The following SNX29 variants were observed in gnomAD, a reference collection of about 807,000 sequenced individuals.
The protein encoded by SNX29 is sorting nexin 29, also known as sorting nexin-29.
A neutral mutation model predicts 102.1 loss-of-function variants in SNX29; 78 were observed. That is an observed-to-expected ratio of 0.76 (90% confidence interval 0.64 to 0.92). SNX29 has a LOEUF of 0.92. SNX29 is among the 40% of genes least tolerant of loss of function. SNX29 has a pLI of 0.00. For synonymous variants in SNX29, 580 were observed against 414.5 expected, an observed-to-expected ratio of 1.40 and a Z score of -4.85; for missense variants, 1,280 against 1,061.7, an observed-to-expected ratio of 1.21 and a Z score of -2.86.
intron 11 of SNX29, among the ~76,000 whole-genome samples, chr16:12,119,633 C>T (rs1406952146): frequency 6.6e-6 from 1 of 152,216 alleles, no homozygotes; most frequent in East Asian, 1.9e-4. Context: ...GGAGAACTGC[C>T]AGAGGCCACA....
intron 14 of SNX29, among the ~76,000 whole-genome samples, chr16:12,258,073 C>T (rs1015102934): frequency 6.6e-6 from 1 of 151,964 alleles, no homozygotes; most frequent in African/African-American, 2.4e-5. Context: ...CATCCTGGCT[C>T]CTGTGCAGTC....
rs745596988 is a variant in SNX29 at position 12,096,423 on chromosome 16, C to T, written c.1402+17508C>T. ...GCTTGGCCATGCACAAGCTCTGTGT[C>T]ACATGTTAAAATTTCCCCATCATTA... On this transcript the variant is annotated intron_variant, in intron 11 of 20. Coordinates refer to ENST00000566228, the MANE Select transcript of SNX29 (RefSeq NM_032167.5). The surrounding 1 kb of genome is among the most constrained non-coding windows in gnomAD (Gnocchi z 4.2). 1.1e-4 allele frequency among the ~76,000 whole-genome samples: 17 copies of T among 152,196 alleles called. No individual in the cohort carries two copies. The highest frequency in any genetic ancestry group is 2.4e-4 in the Non-Finnish European group (16 of 68,044).
chr16:12,159,751 A>G (rs73519886), intron 13 of SNX29, among the ~76,000 whole-genome samples: 3,021 of 152,332 alleles, frequency 0.02, 101 homozygotes, highest in African/African-American at 0.068. Flanking sequence ...AATCCCCAGT[A>G]GGACTGGGAG....
intron 19 of SNX29, among the ~76,000 whole-genome samples, chr16:12,522,707 A>G (rs1326418133): frequency 6.6e-6 from 1 of 152,122 alleles, no homozygotes; most frequent in Non-Finnish European, 1.5e-5. Flanking sequence ...ATTGTAAGTT[A>G]CTGAGGCATC....
chr16:12,414,348 T>C (rs1444419438), intron 18 of SNX29, among the ~76,000 whole-genome samples: 2 of 152,186 alleles, frequency 1.3e-5, no homozygotes, highest in East Asian at 3.8e-4. Context: ...CACTCCAGCC[T>C]GGGTGACAGC....
intron 15 of SNX29, among the ~76,000 whole-genome samples, chr16:12,335,304 C>T (rs1184015074): frequency 6.6e-6 from 1 of 152,114 alleles, no homozygotes. Context: ...TGAAGTGAAA[C>T]TCTTGCTGCT....
intron 18 of SNX29, among the ~76,000 whole-genome samples, chr16:12,429,461 C>T (rs2085223966): frequency 6.6e-6 from 1 of 152,206 alleles, no homozygotes; most frequent in African/African-American, 2.4e-5. Flanking sequence ...CATTCTGTCA[C>T]CCAGACTGGA....
chr16:12,567,507 AGGCACAGTGGCT>A (rs2079060865), intron 20 of SNX29, among the ~76,000 whole-genome samples: 2 of 152,178 alleles, frequency 1.3e-5, no homozygotes, highest in Admixed American at 1.3e-4. Context: ...AGGATTGGCC[AGGCACAGTGGCT>A]CACACCTGTA....
chr16:12,547,111 C>T (rs1597897287), intron 20 of SNX29, among the ~76,000 whole-genome samples: 1 of 152,140 alleles, frequency 6.6e-6, no homozygotes. Flanking sequence ...AGTGAAAAGA[C>T]AGGAAATGAC....
chr16:12,546,623 G>T (rs1303464199), intron 20 of SNX29: 1 of 152,158 alleles, frequency 6.6e-6, no homozygotes, highest in African/African-American at 2.4e-5. Context: ...ATGCCAGATT[G>T]ATCTATTGAT....
intron 6 of SNX29, 90 bp from the exon 7 acceptor site, chr16:12,048,282 C>T (rs1263733147): frequency 2.5e-6 from 4 of 1,585,632 alleles, no homozygotes; most frequent in East Asian, 2.2e-5. Flanking sequence ...GCCTCCTCTT[C>T]TGTACTCTGT....
At chr16:12,371,245 CCTTT>C (rs896791481) in intron 16 of SNX29, among the ~76,000 whole-genome samples, 72 of 150,236 alleles carry the variant, frequency 4.8e-4, no homozygotes, top group African/African-American at 1.6e-3. Context: ...TTCCTTCCTT[CCTTT>C]CTTTCTCTCT....
chr16:12,531,756 C>T (rs1017420278), intron 20 of SNX29, among the ~76,000 whole-genome samples: 1 of 152,176 alleles, frequency 6.6e-6, no homozygotes, highest in Non-Finnish European at 1.5e-5. Context: ...GCATTGGGGT[C>T]AGAAACTGGT....
chr16:11,979,929 A>G (rs1307732504), intron 1 of SNX29, among the ~76,000 whole-genome samples: 1 of 152,176 alleles, frequency 6.6e-6, no homozygotes, highest in African/African-American at 2.4e-5. Flanking sequence ...GGCATGAGCC[A>G]CTGTGCTCCG....
At chr16:12,327,789 G>T (rs2081166171) in intron 15 of SNX29, among the ~76,000 whole-genome samples, 1 of 152,132 alleles carries the variant, frequency 6.6e-6, no homozygotes. Context: ...GGACAGGCAG[G>T]AAGGGTCCTA....
intron 14 of SNX29, among the ~76,000 whole-genome samples, chr16:12,225,466 C>G (rs1049015298): frequency 6.6e-6 from 1 of 152,120 alleles, no homozygotes; most frequent in Non-Finnish European, 1.5e-5. Context: ...CGGGACTTTC[C>G]CTGCACAAGC....
intron 20 of SNX29, among the ~76,000 whole-genome samples, chr16:12,547,663 C>T (rs776535399): frequency 1.4e-4 from 22 of 152,090 alleles, no homozygotes; most frequent in Non-Finnish European, 2.5e-4. Context: ...CCCCAAGCAC[C>T]ATCTCCTGTA....
intron 18 of SNX29, among the ~76,000 whole-genome samples, chr16:12,475,773 T>C (rs1477597373): frequency 6.6e-6 from 1 of 152,378 alleles, no homozygotes. Context: ...GAATGCTTAT[T>C]GCTTTTGTAC....
intron 2 of SNX29, among the ~76,000 whole-genome samples, chr16:11,999,865 C>T (rs1285049753): frequency 6.6e-6 from 1 of 151,564 alleles, no homozygotes; most frequent in Non-Finnish European, 1.5e-5. Flanking sequence ...TGCGCCACTG[C>T]ACTCCAGCCT....
Sources: gnomAD v4.1 joint callset for allele counts (sites outside exome capture counted in the v4.1 genomes callset) on GRCh38, gnomAD v4.1.1 for gene constraint, Gnocchi (gnomAD v3.1) non-coding constraint, MANE v1.5 for transcripts, NCBI Gene and HGNC (gene_info 2026-07-23, HGNC 2026-07-21) for gene names.